Variants in CHSY1 observed in about 807,000 individuals in gnomAD.
CHSY1 encodes the protein chondroitin sulfate synthase 1.
CHSY1 carries 13 observed loss-of-function variants against 59.8 expected under a neutral mutation model. That is an observed-to-expected ratio of 0.22 (90% CI 0.14 to 0.35). The LOEUF is 0.35. CHSY1 is among the 10% of genes least tolerant of loss of function. CHSY1 has a pLI of 1.00. For missense variants in CHSY1, 947 were observed against 1,030.6 expected (o/e 0.92, Z 1.11); for synonymous variants, 459 against 401.2 (o/e 1.14, Z -1.72).
In CHSY1 at chr15:101,251,154, C is replaced by G. The variant is rs7176149; in HGVS notation, c.303G>C (p.Arg101=). 0.16 allele frequency: 256,497 copies of G among 1,589,722 alleles called. 24,785 individuals are homozygous for G. The highest frequency in any genetic ancestry group is 0.46 in the African/African-American group (33,914 of 74,294). The change falls in exon 1 of 3, where the codon CGG becomes CGC. Residue 101 remains arginine (R), a synonymous_variant. Transcript: ENST00000254190. The stretch of plus-strand genomic sequence containing the variant: ...GGGCTCACCTGTAGGCGGCCACGGC[C>G]CGAGTCTGCAGGTATTTCTGGGCGG... The part of the protein sequence containing the change: ...VMTAQKYLQT[R]AVAAYRTWSK...
chr15:101,205,000 C>T (rs897735877), intron 2 of CHSY1, among the ~76,000 whole-genome samples: 1 of 152,156 alleles, frequency 6.6e-6, no homozygotes, highest in Admixed American at 6.5e-5. Flanking sequence ...ACTACATACT[C>T]TATCCACCAG....
At position 101,248,363 on chromosome 15, in the gene CHSY1, T is replaced by G. The variant is rs1192141164; in HGVS notation, c.320+2774A>C. Among the ~76,000 whole-genome samples the G allele has an allele frequency of 2.6e-5, 4 of 152,342 alleles. No homozygotes were observed. The East Asian group carries it at 7.7e-4, about 29-fold the overall frequency. On this transcript the variant is annotated intron_variant, in intron 1 of 2. Transcript: ENST00000254190. ...GCTAAAATCGTCTTGTGCCAACTCCTGCAGTCAGTCTAAACACAGGGTTGG... is the reference window on the plus strand; with the variant it reads ...GCTAAAATCGTCTTGTGCCAACTCCGGCAGTCAGTCTAAACACAGGGTTGG...
At chr15:101,216,609 T>G (rs756546587) in intron 2 of CHSY1, among the ~76,000 whole-genome samples, 51 of 152,208 alleles carry the variant, frequency 3.4e-4, no homozygotes, top group Non-Finnish European at 6.3e-4. Context: ...GACTCCTAGG[T>G]GAAAGAATCC....
intron 2 of CHSY1, among the ~76,000 whole-genome samples, chr15:101,187,384 T>C (rs2038384679): frequency 6.6e-6 from 1 of 151,830 alleles, no homozygotes; most frequent in Non-Finnish European, 1.5e-5. Flanking sequence ...GAGGGTGAGG[T>C]GGGAGAATCG....
rs184438808 is a variant in CHSY1 at position 101,176,630 on chromosome 15, C to T, written c.*758G>A. The T allele has an allele frequency of 2.7e-5, 10 of 371,548 alleles. No homozygotes were observed. The East Asian group carries it at 3.8e-4, about 14-fold the overall frequency. 23.0% of individuals were successfully genotyped at this position (371,548 alleles called of 1,614,324 possible). On this transcript the variant is annotated 3_prime_UTR_variant, in exon 3 of 3. Coordinates refer to ENST00000254190, the MANE Select transcript of CHSY1 (RefSeq NM_014918.5). ...CTTGCATGGTGAAACCCCGTCTCTA[C>T]TAAAAATACAAAAAAACTAGCTGGG...
At chr15:101,209,507 G>A (rs910906703) in intron 2 of CHSY1, among the ~76,000 whole-genome samples, 2 of 152,092 alleles carry the variant, frequency 1.3e-5, no homozygotes, top group South Asian at 2.1e-4. Context: ...AGGAAAAAGG[G>A]TTAAGTAAAA....
intron 2 of CHSY1, among the ~76,000 whole-genome samples, chr15:101,221,232 G>A (rs1006035885): frequency 5.3e-5 from 8 of 152,298 alleles, no homozygotes; most frequent in African/African-American, 2.4e-5. Flanking sequence ...GGTGGCTCAC[G>A]CCTGTAATCC....
At chr15:101,189,781 T>C (rs902727907) in intron 2 of CHSY1, among the ~76,000 whole-genome samples, 1 of 152,246 alleles carries the variant, frequency 6.6e-6, no homozygotes, top group African/African-American at 2.4e-5. Flanking sequence ...AGAAATGTCT[T>C]ACTTAAAAAA....
intron 1 of CHSY1, among the ~76,000 whole-genome samples, chr15:101,239,976 G>A (rs1223996354): frequency 6.6e-6 from 1 of 152,208 alleles, no homozygotes. Flanking sequence ...CTGAAATGGT[G>A]TAATTTGCCC....
chr15:101,237,986 A>G (rs2038964392), intron 1 of CHSY1, among the ~76,000 whole-genome samples: 1 of 152,244 alleles, frequency 6.6e-6, no homozygotes. Context: ...TTAGGAGAGA[A>G]ATATCTGAAA....
intron 2 of CHSY1, among the ~76,000 whole-genome samples, chr15:101,206,912 GTC>G (rs766710490): frequency 6.6e-6 from 1 of 152,154 alleles, no homozygotes; most frequent in African/African-American, 2.4e-5. Context: ...CATAAAAAAA[GTC>G]TCTCTCCCAG....
intron 2 of CHSY1, among the ~76,000 whole-genome samples, chr15:101,196,607 T>C (rs1300823555): frequency 1.3e-5 from 2 of 152,180 alleles, no homozygotes; most frequent in African/African-American, 4.8e-5. Context: ...GATCCATGAC[T>C]AGACTATAAA....
intron 2 of CHSY1, chr15:101,186,818 AAAC>A (rs2038375220): frequency 1.1e-4 from 1 of 8,838 alleles, no homozygotes. Context: ...ACAAAAACAA[AAAC>A]AAAAACAAAA....
rs2141286806 is a variant in CHSY1, at chr15:101,251,845, G to T, written c.-389C>A. On this transcript the variant is annotated 5_prime_UTR_variant, in exon 1 of 3. Coordinates refer to ENST00000254190, the MANE Select transcript of CHSY1 (RefSeq NM_014918.5). ...CCGCCCTGCCCGCGTCCTCCGGCTG[G>T]CTGGGCTCGGTTCGCACGGCGCCTG... is the stretch of plus-strand genomic sequence containing the variant. 1 of 149,458 alleles carries T rather than the reference G, an allele frequency of 6.7e-6. No homozygotes were observed. The highest frequency in any genetic ancestry group is 2.4e-5 in the African/African-American group (1 of 40,976). 9.3% of individuals were successfully genotyped at this position (149,458 alleles called of 1,614,324 possible). A position where few individuals can be genotyped will look rare whatever the true frequency, so the allele number is the denominator to read the frequency against.
chr15:101,250,450 C>G (rs1197133268), intron 1 of CHSY1, among the ~76,000 whole-genome samples: 1 of 152,232 alleles, frequency 6.6e-6, no homozygotes, highest in Non-Finnish European at 1.5e-5. Context: ...TTTTATGACT[C>G]ATTTGGCCAA....
chr15:101,205,142 T>C lies in CHSY1; in HGVS notation c.817-26162A>G, dbSNP rs1164392044. ...TTAAGCTTAAAGTTCTAATATTTTA[T>C]CTTTTTTTTTCTTTTTTTAAAGTAA... On this transcript the variant is annotated intron_variant, in intron 2 of 2. Transcript: ENST00000254190. Among the ~76,000 whole-genome samples, 5 of 147,258 alleles carry C rather than the reference T, an allele frequency of 3.4e-5. No homozygotes were observed. In the South Asian group the frequency reaches 1.1e-3, roughly 31 times the overall value.
chr15:101,190,701 C>T (rs1435474269), intron 2 of CHSY1, among the ~76,000 whole-genome samples: 2 of 152,196 alleles, frequency 1.3e-5, no homozygotes, highest in Non-Finnish European at 2.9e-5. Flanking sequence ...TATTCACAGA[C>T]TTATAAGACT....
At chr15:101,232,381 A>T (rs569869613) in intron 2 of CHSY1, among the ~76,000 whole-genome samples, 1 of 152,266 alleles carries the variant, frequency 6.6e-6, no homozygotes, top group Non-Finnish European at 1.5e-5. Context: ...GATAAACCTA[A>T]TAACAACTTA....
intron 1 of CHSY1, among the ~76,000 whole-genome samples, chr15:101,241,546 A>C (rs866904656): frequency 1.3e-5 from 2 of 152,234 alleles, no homozygotes; most frequent in Non-Finnish European, 2.9e-5. Flanking sequence ...TTTGTAATAA[A>C]ATTTTTTTAT....
Sources: allele counts gnomAD v4.1 joint callset (sites outside exome capture counted in the v4.1 genomes callset), GRCh38; gene constraint gnomAD v4.1.1; transcripts MANE v1.5; gene names NCBI Gene and HGNC (gene_info 2026-07-23, HGNC 2026-07-21).